Variants in KIAA1549L observed in about 807,000 individuals in gnomAD.
KIAA1549L encodes the protein KIAA1549 like.
A neutral mutation model predicts 160.7 loss-of-function variants in KIAA1549L; 88 were observed. The observed-to-expected ratio is 0.55, with a 90% CI of 0.46 to 0.65. The LOEUF is 0.65. Among genes scored for constraint, KIAA1549L ranks in the 30% least tolerant of loss-of-function variants. The probability of loss-of-function intolerance (pLI) is 0.00; values close to 1 mark genes in which losing one functional copy is unlikely to be tolerated. For missense variants in KIAA1549L, 2,258 were observed against 2,437.5 expected (o/e 0.93, Z 1.55); for synonymous variants, 950 against 976.7 (o/e 0.97, Z 0.51).
chr11:33,639,638 C>T (rs1851533971), intron 16 of KIAA1549L, among the ~76,000 whole-genome samples: 1 of 152,204 alleles, frequency 6.6e-6, no homozygotes, highest in South Asian at 2.1e-4. Flanking sequence ...CTCCCGGGCT[C>T]AAGCGATTCT....
At chr11:33,558,834 C>T (rs1565185851) in intron 6 of KIAA1549L, among the ~76,000 whole-genome samples, 2 of 150,386 alleles carry the variant, frequency 1.3e-5, no homozygotes, top group African/African-American at 2.4e-5. Flanking sequence ...ATTCCTTTTT[C>T]TTTTCTTTTT....
intron 1 of KIAA1549L, among the ~76,000 whole-genome samples, chr11:33,413,654 T>C (rs900955953): frequency 3.3e-5 from 5 of 152,158 alleles, no homozygotes; most frequent in African/African-American, 1.2e-4. Flanking sequence ...ATGTAATTAA[T>C]TATCTCTACT....
chr11:33,438,159 G>A (rs1454992382), intron 1 of KIAA1549L, among the ~76,000 whole-genome samples: 1 of 152,214 alleles, frequency 6.6e-6, no homozygotes, highest in African/African-American at 2.4e-5. Flanking sequence ...AAGAGAGATA[G>A]TAGACTTGGT....
intron 1 of KIAA1549L, among the ~76,000 whole-genome samples, chr11:33,428,137 G>T (rs983401103): frequency 4.6e-5 from 7 of 152,180 alleles, no homozygotes; most frequent in African/African-American, 1.7e-4. Context: ...ATACCTAGGG[G>T]TGGAATTGCT....
At chr11:33,550,162 G>A (rs985960489) in intron 4 of KIAA1549L, among the ~76,000 whole-genome samples, 2 of 151,834 alleles carry the variant, frequency 1.3e-5, no homozygotes, top group African/African-American at 4.8e-5. Flanking sequence ...GCACTGAACA[G>A]CACACTAAAA....
chr11:33,405,905 G>T (rs1286605222), intron 1 of KIAA1549L, among the ~76,000 whole-genome samples: 1 of 150,354 alleles, frequency 6.7e-6, no homozygotes, highest in Non-Finnish European at 1.5e-5. Flanking sequence ...CATGTTCCAG[G>T]TCTTGTTATC....
chr11:33,646,746 AT>A (rs1396265573), intron 17 of KIAA1549L, among the ~76,000 whole-genome samples: 2 of 152,294 alleles, frequency 1.3e-5, no homozygotes, highest in East Asian at 3.9e-4. Context: ...CTCGTCATTG[AT>A]TTTTGCAGCC....
chr11:33,616,574 G>A (rs181436773), intron 15 of KIAA1549L, among the ~76,000 whole-genome samples: 39 of 152,314 alleles, frequency 2.6e-4, no homozygotes, highest in African/African-American at 9.4e-4. Flanking sequence ...CTTTGAGCAG[G>A]TATAAGCTCT....
rs72913003 is a variant in KIAA1549L at position 33,513,538 on chromosome 11, T to C, written c.239-28264T>C. Among the ~76,000 whole-genome samples the C allele has an allele frequency of 8.8e-3, 1,336 of 152,306 alleles. 6 individuals are homozygous for C. Among genetic ancestry groups the C allele is most frequent in the Non-Finnish European group, 0.016 (1,070 of 68,018 alleles). ...TGTTTCTTCTTCTCTCCCCTCCTTT[T>C]ATTCCATCTCCCTCCAAATTTCCTC... On this transcript the variant is annotated intron_variant, in intron 1 of 20. Transcript: ENST00000658780.
At chr11:33,490,959 A>C (rs1852644389) in intron 1 of KIAA1549L, among the ~76,000 whole-genome samples, 1 of 152,204 alleles carries the variant, frequency 6.6e-6, no homozygotes, top group East Asian at 1.9e-4. Context: ...TGTATGACAA[A>C]TAGAATCAGC....
intron 1 of KIAA1549L, among the ~76,000 whole-genome samples, chr11:33,510,947 A>G (rs1045236028): frequency 6.6e-6 from 1 of 152,252 alleles, no homozygotes; most frequent in African/African-American, 2.4e-5. Context: ...GGAGTCATGC[A>G]GACTGAGTTC....
intron 1 of KIAA1549L, among the ~76,000 whole-genome samples, chr11:33,424,117 C>T (rs2134108961): frequency 6.6e-6 from 1 of 152,164 alleles, no homozygotes; most frequent in Admixed American, 6.5e-5. Flanking sequence ...ACAATCAAAG[C>T]AATGGCTAGC....
At chr11:33,515,371 C>G (rs1853321019) in intron 1 of KIAA1549L, among the ~76,000 whole-genome samples, 1 of 152,234 alleles carries the variant, frequency 6.6e-6, no homozygotes, top group Non-Finnish European at 1.5e-5. Context: ...AGTCAAGCAC[C>G]TAGTGTCTTC....
In KIAA1549L at chr11:33,419,292, A is replaced by G. The variant is rs1006036832; in HGVS notation, c.238+42403A>G. 2.0e-5 allele frequency among the ~76,000 whole-genome samples: 3 copies of G among 152,348 alleles called. No individual in the cohort carries two copies. In the East Asian group the frequency reaches 5.8e-4, roughly 29 times the overall value. On this transcript the variant is annotated intron_variant, in intron 1 of 20. Coordinates refer to ENST00000658780, the MANE Select transcript of KIAA1549L (RefSeq NM_012194.3). ...TGGCAAGCTTTATGAGAATTGAGTA[A>G]TGAGCCTGGTGGATAGCTCTCTAAT...
intron 3 of KIAA1549L, among the ~76,000 whole-genome samples, chr11:33,546,949 CTCTT>C (rs1354178194): frequency 2.0e-5 from 3 of 152,248 alleles, no homozygotes; most frequent in Admixed American, 2.0e-4. Context: ...TTCTTTCCCT[CTCTT>C]TGACTCTCTC....
chr11:33,567,125 G>T (rs1019108032), intron 8 of KIAA1549L, among the ~76,000 whole-genome samples: 2 of 152,114 alleles, frequency 1.3e-5, no homozygotes, highest in Non-Finnish European at 2.9e-5. Context: ...CCCTGCACTG[G>T]CCATGGCTGA....
intron 12 of KIAA1549L, among the ~76,000 whole-genome samples, chr11:33,593,228 G>C (rs2133291400): frequency 6.6e-6 from 1 of 152,282 alleles, no homozygotes; most frequent in East Asian, 1.9e-4. Context: ...CCAGGAGCTT[G>C]AGACCAACGT....
At chr11:33,640,034 T>C (rs866142569) in intron 16 of KIAA1549L, among the ~76,000 whole-genome samples, 13 of 152,320 alleles carry the variant, frequency 8.5e-5, no homozygotes, top group Admixed American at 4.6e-4. Context: ...TATTGTTGAA[T>C]TAAAAAGGTT....
At position 33,471,675 on chromosome 11, in the gene KIAA1549L, A is replaced by G. The variant is rs79046740; in HGVS notation, c.239-70127A>G. On this transcript the variant is annotated intron_variant, in intron 1 of 20. Coordinates refer to ENST00000658780, the MANE Select transcript of KIAA1549L (RefSeq NM_012194.3). ...TTCTCTAAGGTCTCTCCCTAGAAGG[A>G]GTCTCCTTCCCTCCTGCTAAGAGAG... Among the ~76,000 whole-genome samples, 250 of 152,320 alleles carry G rather than the reference A, an allele frequency of 1.6e-3. 1 individual carries two copies. Among genetic ancestry groups the G allele is most frequent in the African/African-American group, 5.7e-3 (236 of 41,574 alleles).
Sources: gnomAD v4.1 joint callset for allele counts (sites outside exome capture counted in the v4.1 genomes callset) on GRCh38, gnomAD v4.1.1 for gene constraint, MANE v1.5 for transcripts, NCBI Gene and HGNC (gene_info 2026-07-23, HGNC 2026-07-21) for gene names.